The following ARHGAP35 variants were observed in gnomAD, a reference collection of about 807,000 sequenced individuals.
The protein encoded by ARHGAP35 is Rho GTPase activating protein 35.
A neutral mutation model predicts 111.1 loss-of-function variants in ARHGAP35; 15 were observed. That is an observed-to-expected ratio of 0.13 (90% CI 0.09 to 0.21). The LOEUF (loss-of-function observed/expected upper bound fraction) is 0.21. Ranked by LOEUF, ARHGAP35 falls within the 10% of genes least tolerant of loss-of-function variation. ARHGAP35 has a pLI of 1.00. For synonymous variants in ARHGAP35, 643 were observed against 710.3 expected, an observed-to-expected ratio of 0.91 and a Z score of 1.51; for missense variants, 1,262 against 1,873.0, an observed-to-expected ratio of 0.67 and a Z score of 6.02.
intron 3 of ARHGAP35, among the ~76,000 whole-genome samples, chr19:46,977,698 G>A (rs950899409): frequency 1.3e-5 from 2 of 152,230 alleles, no homozygotes; most frequent in African/African-American, 4.8e-5. Flanking sequence ...TGTCCAGGAA[G>A]AGCATGGAGA....
chr19:46,913,373 G>A (rs1001257489), intron 1 of ARHGAP35, among the ~76,000 whole-genome samples: 4 of 151,852 alleles, frequency 2.6e-5, no homozygotes, highest in East Asian at 1.9e-4. Context: ...CTGGGATCAC[G>A]GTGGCATTTC....
At chr19:46,975,536 C>T (rs1320144658) in intron 3 of ARHGAP35, among the ~76,000 whole-genome samples, 1 of 152,196 alleles carries the variant, frequency 6.6e-6, no homozygotes, top group African/African-American at 2.4e-5. Context: ...GTTAATCTCC[C>T]GTGAGCCAGA....
intron 1 of ARHGAP35, among the ~76,000 whole-genome samples, chr19:46,877,521 A>T (rs1256701743): frequency 1.3e-5 from 2 of 152,110 alleles, no homozygotes; most frequent in African/African-American, 4.8e-5. Context: ...CCATGATCAC[A>T]CCATTGCACT....
At chr19:46,894,431 T>C (rs1360284757) in intron 1 of ARHGAP35, among the ~76,000 whole-genome samples, 2 of 150,134 alleles carry the variant, frequency 1.3e-5, no homozygotes, top group Admixed American at 6.7e-5. Context: ...GTTTACACTC[T>C]ATCCTGTTTT....
chr19:46,874,917 T>C (rs2055909187), intron 1 of ARHGAP35, among the ~76,000 whole-genome samples: 1 of 149,896 alleles, frequency 6.7e-6, no homozygotes, highest in Non-Finnish European at 1.5e-5. Context: ...GTTCAAGCGG[T>C]TCTCCTGCCT....
Position 46,926,243 on chromosome 19 carries a change from C to T in ARHGAP35, c.3681+3887C>T, listed in dbSNP as rs1030029208. ...TCATTTCTCCTCATGAAAGTGCAGA[C>T]TGTAAAGCTGACTCTCATTCTGGGT... On this transcript the variant is annotated intron_variant, in intron 2 of 6. Transcript: ENST00000672722. The surrounding 1 kb of genome is among the most constrained non-coding windows in gnomAD (Gnocchi z 4.1). Among the ~76,000 whole-genome samples, 2 of 152,200 alleles carry T rather than the reference C, an allele frequency of 1.3e-5. No homozygotes were observed. Among genetic ancestry groups the T allele is most frequent in the Non-Finnish European group, 2.9e-5 (2 of 68,042 alleles).
Position 46,904,344 on chromosome 19 carries a change from C to T in ARHGAP35, c.-188-14144C>T, listed in dbSNP as rs899609861. Among the ~76,000 whole-genome samples, 4 of 152,212 alleles carry T rather than the reference C, an allele frequency of 2.6e-5. No individual in the cohort carries two copies. In the South Asian group the frequency reaches 8.3e-4, roughly 32 times the overall value. The stretch of plus-strand genomic sequence containing the variant: ...TCTGGAAGTTTTCTTAGTTGTTCAT[C>T]TCAAGAAGAATCTTAGGAATTTTTT... On this transcript the variant is annotated intron_variant, in intron 1 of 6. Transcript: ENST00000672722.
intron 3 of ARHGAP35, among the ~76,000 whole-genome samples, chr19:46,985,395 T>G (rs1018108037): frequency 6.6e-6 from 1 of 152,070 alleles, no homozygotes; most frequent in Non-Finnish European, 1.5e-5. Context: ...CCCAGCCTGG[T>G]GGATTAATAG....
intron 2 of ARHGAP35, among the ~76,000 whole-genome samples, chr19:46,923,046 A>G (rs909521457): frequency 6.6e-6 from 1 of 152,030 alleles, no homozygotes; most frequent in Non-Finnish European, 1.5e-5. Context: ...TTAACTGTAT[A>G]CATTATAAAC....
chr19:46,863,943 G>A (rs976485591), intron 1 of ARHGAP35, among the ~76,000 whole-genome samples: 2 of 152,180 alleles, frequency 1.3e-5, no homozygotes, highest in African/African-American at 4.8e-5. Context: ...AGCACTTTGC[G>A]GTTGTTTGTT....
chr19:46,874,662 G>C (rs192475444), intron 1 of ARHGAP35, among the ~76,000 whole-genome samples: 2 of 143,412 alleles, frequency 1.4e-5, no homozygotes, highest in African/African-American at 5.2e-5. Context: ...CTGCTACCAT[G>C]CCTGGCTAAT....
intron 3 of ARHGAP35, among the ~76,000 whole-genome samples, chr19:46,961,925 G>A (rs970694380): frequency 1.3e-5 from 2 of 151,618 alleles, no homozygotes; most frequent in African/African-American, 4.8e-5. Flanking sequence ...GTGAGATCCT[G>A]CCTCAAAAAA....
rs118065708 is a variant in ARHGAP35, at chr19:46,984,930, G to A, written c.3827-3059G>A. 9.1e-3 allele frequency among the ~76,000 whole-genome samples: 1,384 copies of A among 152,306 alleles called. 11 individuals carry two copies. Among genetic ancestry groups the A allele is most frequent in the Middle Eastern group, 0.02 (6 of 294 alleles). On this transcript the variant is annotated intron_variant, in intron 3 of 6. Transcript: ENST00000672722. ...TCAGGGTCACCAGAAGGTGATGTGC[G>A]GCCCTCGGCTGGCCAGGTCTTCTGC...
chr19:46,999,884 C>G lies in ARHGAP35; in HGVS notation c.4143-447C>G. The G allele has an allele frequency of 4.6e-6, 1 of 216,910 alleles. No individual in the cohort carries two copies. The highest frequency in any genetic ancestry group is 9.1e-6 in the Non-Finnish European group (1 of 109,778). The allele number at this position is 216,910 out of a possible 1,614,324, so 13.4% of individuals were successfully genotyped here. On this transcript the variant is annotated intron_variant, in intron 6 of 6. Transcript: ENST00000672722. This position sits in a 1 kb window ranked among gnomAD's most constrained non-coding sequence, Gnocchi z 5.4. ...ATGTGCTGCAGGAGACAGCCAGCCT[C>G]CGGCATGGAGCACAGCCGCAGGCGG... is the stretch of plus-strand genomic sequence containing the variant.
intron 3 of ARHGAP35, among the ~76,000 whole-genome samples, chr19:46,951,410 C>G (rs1015211549): frequency 1.6e-4 from 24 of 152,056 alleles, no homozygotes; most frequent in Non-Finnish European, 3.4e-4. Flanking sequence ...CCCTTGGGGA[C>G]TGCGCATGTG....
chr19:46,869,205 A>G (rs1457357732), intron 1 of ARHGAP35, among the ~76,000 whole-genome samples: 1 of 152,008 alleles, frequency 6.6e-6, no homozygotes, highest in Middle Eastern at 3.2e-3. Flanking sequence ...CCACATCTGG[A>G]CATGATACTT....
At chr19:46,883,251 T>C (rs956802199) in intron 1 of ARHGAP35, among the ~76,000 whole-genome samples, 1 of 148,972 alleles carries the variant, frequency 6.7e-6, no homozygotes, top group Non-Finnish European at 1.5e-5. Context: ...CGTGCCACCA[T>C]GCCTGGCTAA....
chr19:46,944,329 C>A (rs1334404225), intron 3 of ARHGAP35, among the ~76,000 whole-genome samples: 1 of 151,466 alleles, frequency 6.6e-6, no homozygotes, highest in Non-Finnish European at 1.5e-5. Flanking sequence ...AATATACTTG[C>A]TCACTGTAAA....
At chr19:46,914,491 C>T (rs1022045235) in intron 1 of ARHGAP35, among the ~76,000 whole-genome samples, 3 of 152,136 alleles carry the variant, frequency 2.0e-5, no homozygotes, top group Middle Eastern at 3.4e-3. Flanking sequence ...ATGGCTTGCA[C>T]CTGTAGTCCC....
Sources: allele counts gnomAD v4.1 joint callset (sites outside exome capture counted in the v4.1 genomes callset), GRCh38; gene constraint gnomAD v4.1.1; non-coding constraint Gnocchi (gnomAD v3.1); transcripts MANE v1.5; gene names NCBI Gene and HGNC (gene_info 2026-07-23, HGNC 2026-07-21).